Variants in CFAP43 observed in about 807,000 individuals in gnomAD.
CFAP43 encodes cilia- and flagella-associated protein 43.
CFAP43 carries 155 observed loss-of-function variants against 218.9 expected under a neutral mutation model. That is an observed-to-expected ratio of 0.71 (90% confidence interval 0.62 to 0.81). The LOEUF (loss-of-function observed/expected upper bound fraction) is 0.81, where lower values mean the gene tolerates loss of function less well. Ranked by LOEUF, CFAP43 falls within the 30% of genes least tolerant of loss-of-function variation. The pLI, the probability that CFAP43 is intolerant of heterozygous loss-of-function variation, is 0.00. For missense variants in CFAP43, 1,778 were observed against 1,954.3 expected (o/e 0.91, Z 1.70); for synonymous variants, 645 against 681.3 (o/e 0.95, Z 0.83).
chr10:104,170,587 G>A (rs769016362), intron 20 of CFAP43, among the ~76,000 whole-genome samples: 6 of 152,120 alleles, frequency 3.9e-5, no homozygotes, highest in East Asian at 1.9e-4. Context: ...GAGCCAAGGA[G>A]GAAGAGTCAG....
At chr10:104,219,421 C>T (rs1411265104) in intron 3 of CFAP43, among the ~76,000 whole-genome samples, 2 of 152,122 alleles carry the variant, frequency 1.3e-5, no homozygotes, top group Admixed American at 6.5e-5. Flanking sequence ...ATATACCTTC[C>T]ACAGTACGAA....
At chr10:104,184,462 C>CTTTTTTTTTTTTTT (rs34684487) in intron 16 of CFAP43, among the ~76,000 whole-genome samples, 2 of 142,082 alleles carry the variant, frequency 1.4e-5, no homozygotes, top group Non-Finnish European at 1.5e-5. Flanking sequence ...TTAACTATGT[C>CTTTTTTTTTTTTTT]TTTTTTTTTT....
intron 31 of CFAP43, 73 bp downstream of exon 31, chr10:104,145,403 C>T (rs2289964): frequency 0.14 from 129,300 of 954,136 alleles, 11,047 homozygotes; most frequent in Admixed American, 0.35. Flanking sequence ...GAGAAAAAAG[C>T]TGAAATCTAG....
At chr10:104,201,561 T>C (rs2090533328) in intron 8 of CFAP43, among the ~76,000 whole-genome samples, 1 of 152,180 alleles carries the variant, frequency 6.6e-6, no homozygotes. Context: ...TTTATTCTCC[T>C]CCTGGGTTAT....
intron 31 of CFAP43, among the ~76,000 whole-genome samples, chr10:104,144,573 C>T (rs1289029720): frequency 1.3e-5 from 2 of 152,070 alleles, no homozygotes; most frequent in Non-Finnish European, 2.9e-5. Flanking sequence ...CGCTTGAACC[C>T]GGGAGGCGGA....
chr10:104,224,137 G>A (rs2091250902), intron 3 of CFAP43, among the ~76,000 whole-genome samples: 1 of 152,068 alleles, frequency 6.6e-6, no homozygotes, highest in African/African-American at 2.4e-5. Context: ...TCCGCCTCCC[G>A]GGTTCACGCC....
intron 25 of CFAP43, 71 bp from the exon 26 acceptor site, chr10:104,162,112 G>T: frequency 1.4e-6 from 2 of 1,468,250 alleles, no homozygotes; most frequent in South Asian, 2.4e-5. Flanking sequence ...TCCAGAGGCA[G>T]CTTCCCACCC....
intron 32 of CFAP43, among the ~76,000 whole-genome samples, chr10:104,142,973 C>T (rs1254606762): frequency 2.6e-5 from 4 of 151,886 alleles, no homozygotes; most frequent in South Asian, 2.1e-4. Flanking sequence ...CTGTAGTAGC[C>T]GCATTATAAA....
chr10:104,206,818 A>G (rs1054673921), intron 6 of CFAP43, among the ~76,000 whole-genome samples: 1 of 152,154 alleles, frequency 6.6e-6, no homozygotes, highest in Non-Finnish European at 1.5e-5. Flanking sequence ...GCCACAGCTG[A>G]TAGGGTCAGG....
At chr10:104,223,410 A>C (rs1399137827) in intron 3 of CFAP43, among the ~76,000 whole-genome samples, 1 of 152,260 alleles carries the variant, frequency 6.6e-6, no homozygotes, top group Admixed American at 6.5e-5. Context: ...CTTTTAGTCA[A>C]TGAATTATTA....
intron 8 of CFAP43, 133 bp downstream of exon 8, chr10:104,203,539 T>C: frequency 1.2e-6 from 1 of 834,500 alleles, no homozygotes; most frequent in East Asian, 3.1e-5. Context: ...TTGGGTATTT[T>C]TTCATTTACA....
chr10:104,139,921 T>C (rs1275186800), intron 34 of CFAP43, among the ~76,000 whole-genome samples: 1 of 152,154 alleles, frequency 6.6e-6, no homozygotes, highest in Non-Finnish European at 1.5e-5. Context: ...ATAGCATTTG[T>C]AAAAATAAAA....
At chr10:104,206,146 C>G (rs2090681063) in intron 6 of CFAP43, 116 bp from the exon 7 acceptor site, 1 of 780,266 alleles carries the variant, frequency 1.3e-6, no homozygotes, top group Non-Finnish European at 2.1e-6. Context: ...TTTGAATTCT[C>G]TATCATCAGA....
rs761365128 is a variant in CFAP43, at chr10:104,131,315, A to C, written c.4831+16T>G. 1 of 1,596,836 alleles carries C rather than the reference A, an allele frequency of 6.3e-7. No homozygotes were observed. The highest frequency in any genetic ancestry group is 8.5e-7 in the Non-Finnish European group (1 of 1,176,264). ...AAGAAACCTACAGTTGGTTAAAGAA[A>C]AAAAAGCATGCTTACCCATTGCATT... On this transcript the variant is annotated intron_variant, in intron 37 of 37. Coordinates refer to ENST00000357060, the MANE Select transcript of CFAP43 (RefSeq NM_025145.7).
At chr10:104,148,095 C>T in intron 28 of CFAP43, 97 bp from the exon 29 acceptor site, 1 of 540,090 alleles carries the variant, frequency 1.9e-6, no homozygotes, top group Non-Finnish European at 3.0e-6. Flanking sequence ...TTATGACATA[C>T]ACATAAACTT....
chr10:104,221,366 C>T (rs1448927970), intron 3 of CFAP43, among the ~76,000 whole-genome samples: 1 of 152,124 alleles, frequency 6.6e-6, no homozygotes, highest in Admixed American at 6.5e-5. Flanking sequence ...ATCCTAACCC[C>T]AATGGTGATG....
chr10:104,166,856 G>C, intron 22 of CFAP43, 138 bp from the exon 23 acceptor site: 1 of 712,376 alleles, frequency 1.4e-6, no homozygotes, highest in Non-Finnish European at 2.3e-6. Context: ...TCGAAGTGAT[G>C]AATAGATCCC....
chr10:104,134,673 C>A (rs1589608580), intron 34 of CFAP43, among the ~76,000 whole-genome samples: 1 of 151,624 alleles, frequency 6.6e-6, no homozygotes, highest in Non-Finnish European at 1.5e-5. Context: ...CTATAAAAAC[C>A]AATTCAAAAA....
At chr10:104,162,080 G>A in intron 25 of CFAP43, 39 bp from the exon 26 acceptor site, 1 of 1,590,572 alleles carries the variant, frequency 6.3e-7, no homozygotes, top group African/African-American at 1.4e-5. Context: ...TACTGAGACA[G>A]AGACCTGACA....
Sources: allele counts gnomAD v4.1 joint callset (sites outside exome capture counted in the v4.1 genomes callset), GRCh38; gene constraint gnomAD v4.1.1; transcripts MANE v1.5; gene names NCBI Gene and HGNC (gene_info 2026-07-23, HGNC 2026-07-21).